Variants in GPR55 observed in about 807,000 individuals in gnomAD.
GPR55 encodes the protein G-protein coupled receptor 55.
In GPR55, 6 loss-of-function variants were observed where a neutral mutation model predicts 7.9. The observed-to-expected ratio is 0.76, with a 90% confidence interval of 0.41 to 1.49. The LOEUF (loss-of-function observed/expected upper bound fraction) is 1.49, where lower values mean the gene tolerates loss of function less well. Ranked by LOEUF, GPR55 falls within the 40% of genes most tolerant of loss-of-function variation. The pLI is 0.01. For synonymous variants in GPR55, 183 were observed against 166.8 expected, an observed-to-expected ratio of 1.10 and a Z score of -0.75; for missense variants, 376 against 406.0, an observed-to-expected ratio of 0.93 and a Z score of 0.63.
chr2:230,909,602 C>G lies in GPR55; in HGVS notation c.*401G>C, dbSNP rs143899095. The G allele has an allele frequency of 3.9e-5, 8 of 204,360 alleles. No homozygotes were observed. Among genetic ancestry groups the G allele is most frequent in the African/African-American group, 1.4e-4 (6 of 43,174 alleles). 12.7% of individuals were successfully genotyped at this position (204,360 alleles called of 1,614,324 possible). On this transcript the variant is annotated 3_prime_UTR_variant, in exon 2 of 2. Coordinates refer to ENST00000650999, the MANE Select transcript of GPR55 (RefSeq NM_005683.4). ...AAGACACTCTCCCCAATAACTGACT[C>G]TCTTGGCTCCCTCCTTTACCTCTTT...
chr2:230,956,197 C>T (rs1050887038), intron 1 of GPR55, among the ~76,000 whole-genome samples: 3 of 151,326 alleles, frequency 2.0e-5, no homozygotes, highest in Non-Finnish European at 3.0e-5. Context: ...TAGAGTCTCA[C>T]TCTGTTGCCC....
intron 1 of GPR55, among the ~76,000 whole-genome samples, chr2:230,938,884 C>T (rs76955039): frequency 0.018 from 2,667 of 152,268 alleles, 49 homozygotes; most frequent in Middle Eastern, 0.048. Flanking sequence ...TTCTGGGTCT[C>T]GGTAAACAAC....
intron 1 of GPR55, among the ~76,000 whole-genome samples, chr2:230,949,231 T>A (rs1691363292): frequency 6.6e-6 from 1 of 152,080 alleles, no homozygotes; most frequent in African/African-American, 2.4e-5. Context: ...TGGCGCAATC[T>A]CAGCTCACTG....
At chr2:230,920,685 T>C (rs1445491769) in intron 1 of GPR55, among the ~76,000 whole-genome samples, 1 of 152,138 alleles carries the variant, frequency 6.6e-6, no homozygotes, top group Non-Finnish European at 1.5e-5. Flanking sequence ...ATCAATAGCA[T>C]CAAGAAGTTA....
chr2:230,955,965 G>T (rs1481271392), intron 1 of GPR55, among the ~76,000 whole-genome samples: 1 of 152,072 alleles, frequency 6.6e-6, no homozygotes, highest in African/African-American at 2.4e-5. Context: ...GGCCTCAAGT[G>T]ATCCTCCCTC....
At chr2:230,945,262 G>C (rs1352353941) in intron 1 of GPR55, among the ~76,000 whole-genome samples, 1 of 152,180 alleles carries the variant, frequency 6.6e-6, no homozygotes, top group African/African-American at 2.4e-5. Context: ...GGTGGAAAGA[G>C]GCTGAGAGAG....
intron 1 of GPR55, among the ~76,000 whole-genome samples, chr2:230,931,476 G>T (rs111593714): frequency 6.6e-6 from 1 of 152,144 alleles, no homozygotes; most frequent in African/African-American, 2.4e-5. Context: ...TAGAGAGGCC[G>T]ATTTCTACCT....
At chr2:230,937,753 G>A (rs1691155688) in intron 1 of GPR55, among the ~76,000 whole-genome samples, 1 of 152,118 alleles carries the variant, frequency 6.6e-6, no homozygotes, top group African/African-American at 2.4e-5. Context: ...AAGTAGTAGA[G>A]ACCTCATCTA....
chr2:230,960,318 G>A (rs1440236295), intron 1 of GPR55, among the ~76,000 whole-genome samples: 1 of 152,182 alleles, frequency 6.6e-6, no homozygotes, highest in Non-Finnish European at 1.5e-5. Flanking sequence ...TAAGAGGACT[G>A]ACCATCAGCC....
At chr2:230,928,725 C>G (rs1407462643), upstream of GPR55, 2 of 152,146 alleles carry the variant, frequency 1.3e-5, no homozygotes, top group Non-Finnish European at 2.9e-5. Flanking sequence ...GATAATGAGA[C>G]CCTCATGATC....
At chr2:230,948,214 TCA>T (rs1156521715) in intron 1 of GPR55, among the ~76,000 whole-genome samples, 1 of 151,950 alleles carries the variant, frequency 6.6e-6, no homozygotes, top group Non-Finnish European at 1.5e-5. Flanking sequence ...GAGAGCTTTC[TCA>T]GTCAGCACTG....
At chr2:230,920,658 C>T (rs1268781690) in intron 1 of GPR55, among the ~76,000 whole-genome samples, 2 of 152,050 alleles carry the variant, frequency 1.3e-5, no homozygotes, top group Non-Finnish European at 2.9e-5. Context: ...TATAATTCCC[C>T]CAAAGCTTGG....
chr2:230,909,932 C>T lies in GPR55; in HGVS notation c.*71G>A. 6.9e-7 allele frequency: 1 copy of T among 1,454,862 alleles called. No homozygotes were observed. Among genetic ancestry groups the T allele is most frequent in the East Asian group, 2.3e-5 (1 of 43,998 alleles). 90.1% of individuals were successfully genotyped at this position (1,454,862 alleles called of 1,614,324 possible). ...TGCGGATCATCCCACCACATCAAAACCCTGGAACGCGATATCCGTTACCAG... is the reference window on the plus strand; with the variant it reads ...TGCGGATCATCCCACCACATCAAAATCCTGGAACGCGATATCCGTTACCAG... On this transcript the variant is annotated 3_prime_UTR_variant, in exon 2 of 2. Transcript: ENST00000650999.
At chr2:230,914,783 G>T (rs935150000) in intron 1 of GPR55, among the ~76,000 whole-genome samples, 1 of 152,220 alleles carries the variant, frequency 6.6e-6, no homozygotes, top group Non-Finnish European at 1.5e-5. Context: ...ACTGTAGTTG[G>T]CTGGGTGGGA....
At chr2:230,947,506 T>TG (rs1038466277) in intron 1 of GPR55, among the ~76,000 whole-genome samples, 2 of 149,168 alleles carry the variant, frequency 1.3e-5, no homozygotes, top group African/African-American at 4.9e-5. Flanking sequence ...TTATGACCTT[T>TG]TTTTTTTTTT....
intron 1 of GPR55, among the ~76,000 whole-genome samples, chr2:230,918,610 GAC>G (rs1048437090): frequency 2.6e-5 from 4 of 152,110 alleles, no homozygotes; most frequent in Non-Finnish European, 5.9e-5. Flanking sequence ...GCACAAAAGA[GAC>G]AGACTTGCTC....
At position 230,924,360 on chromosome 2, in the gene GPR55, G is replaced by A. The variant is rs10186750; in HGVS notation, c.-135+808C>T. Among the ~76,000 whole-genome samples the A allele has an allele frequency of 0.034, 5,202 of 152,234 alleles. 127 individuals carry two copies. The highest frequency in any genetic ancestry group is 0.054 in the Non-Finnish European group (3,669 of 68,006). On this transcript the variant is annotated intron_variant, in intron 1 of 1. Coordinates refer to ENST00000650999, the MANE Select transcript of GPR55 (RefSeq NM_005683.4). The surrounding 1 kb of genome is among the most constrained non-coding windows in gnomAD (Gnocchi z 4.5). ...CCTGTCCTCTCATCCCCACTGCCTC[G>A]GGCAGCACAAAGCCCAGGTGAAGCC...
chr2:230,957,676 CTG>C (rs1214729866), intron 1 of GPR55: 1 of 545,640 alleles, frequency 1.8e-6, no homozygotes, highest in African/African-American at 1.9e-5. Context: ...AAAATATTCC[CTG>C]TGCCCGGGAT....
At chr2:230,918,221 G>A (rs1294092512) in intron 1 of GPR55, among the ~76,000 whole-genome samples, 1 of 152,172 alleles carries the variant, frequency 6.6e-6, no homozygotes, top group Non-Finnish European at 1.5e-5. Flanking sequence ...CTATGATCAA[G>A]AAGAAAGGGC....
Sources: gnomAD v4.1 joint callset for allele counts (sites outside exome capture counted in the v4.1 genomes callset) on GRCh38, gnomAD v4.1.1 for gene constraint, Gnocchi (gnomAD v3.1) non-coding constraint, MANE v1.5 for transcripts, NCBI Gene and HGNC (gene_info 2026-07-23, HGNC 2026-07-21) for gene names.